Variants in KLC1 observed in about 807,000 individuals in gnomAD.
KLC1 encodes the protein kinesin 2 60/70kDa.
In KLC1, 30 loss-of-function variants were observed where a neutral mutation model predicts 84.2. The ratio of observed to expected loss-of-function variants is 0.36; its 90% CI spans 0.27 to 0.48. The LOEUF is 0.48. KLC1 is among the 20% of genes least tolerant of loss of function. The pLI, the probability that KLC1 is intolerant of heterozygous loss-of-function variation, is 0.99. For synonymous variants in KLC1, 289 were observed against 293.3 expected (o/e 0.99, Z 0.15); for missense variants, 499 against 805.4 (o/e 0.62, Z 4.60).
chr14:103,681,408 T>C (rs2081330198), intron 13 of KLC1, among the ~76,000 whole-genome samples: 1 of 152,140 alleles, frequency 6.6e-6, no homozygotes, highest in African/African-American at 2.4e-5. Flanking sequence ...ACTCTAAGGT[T>C]CTGAGAAGGC....
rs553348425 is a variant in KLC1 at position 103,667,989 on chromosome 14, A to G, written c.798-1522A>G. 8.5e-5 allele frequency among the ~76,000 whole-genome samples: 13 copies of G among 152,340 alleles called. No homozygotes were observed. The South Asian group carries it at 2.3e-3, about 27-fold the overall frequency. ...AAAGATTCTTCGTTCCTCCATACTC[A>G]ACAAAATGGAGGGAGACTGGGTACC... is the stretch of plus-strand genomic sequence containing the variant. On this transcript the variant is annotated intron_variant, in intron 5 of 16. Transcript: ENST00000334553.
At chr14:103,678,187 CAGG>C (rs1053987016) in intron 12 of KLC1, among the ~76,000 whole-genome samples, 72 of 152,274 alleles carry the variant, frequency 4.7e-4, no homozygotes, top group Admixed American at 7.9e-4. Context: ...CGCTTGAACT[CAGG>C]AGGCAGAGGT....
In KLC1 at chr14:103,685,181, G is replaced by A. The variant is rs537140302; in HGVS notation, c.1651-1900G>A. On this transcript the variant is annotated intron_variant, in intron 13 of 16. Coordinates refer to ENST00000334553, the MANE Select transcript of KLC1 (RefSeq NM_001394837.1). ...ATTATCAACTGCATGTTTAAAATGG[G>A]CTGTAGACTTTTAAAGTCCGTGGTT... is the stretch of plus-strand genomic sequence containing the variant. 2,129 of 1,443,692 alleles carry A rather than the reference G, an allele frequency of 1.5e-3. 7 individuals are homozygous for A. The highest frequency in any genetic ancestry group is 1.7e-3 in the Non-Finnish European group (1,873 of 1,096,898). The allele number at this position is 1,443,692 out of a possible 1,614,324, so 89.4% of individuals were successfully genotyped here. A position where few individuals can be genotyped will look rare whatever the true frequency, so the allele number is the denominator to read the frequency against.
chr14:103,695,888 G>A (rs561535469), intron 15 of KLC1: 28 of 985,408 alleles, frequency 2.8e-5, no homozygotes, highest in Middle Eastern at 5.2e-4. Context: ...GAGTACCTGA[G>A]TCCCCGATGT....
intron 14 of KLC1, 133 bp from the exon 15 acceptor site, chr14:103,692,226 A>G (rs2082163684): frequency 1.4e-6 from 1 of 722,460 alleles, no homozygotes; most frequent in Admixed American, 2.4e-5. Context: ...CGGTTACCCA[A>G]GCAAGATGAA....
intron 1 of KLC1, among the ~76,000 whole-genome samples, chr14:103,639,004 A>G (rs1338540098): frequency 6.6e-6 from 1 of 152,150 alleles, no homozygotes. Flanking sequence ...TTGGTAGAAT[A>G]AGCTTAAATC....
chr14:103,699,520 C>T, intron 15 of KLC1: 1 of 1,613,506 alleles, frequency 6.2e-7, no homozygotes, highest in Non-Finnish European at 8.5e-7. Flanking sequence ...CCAGGCGAGC[C>T]ATGCCCCGAG....
chr14:103,685,812 G>T, intron 13 of KLC1: 3 of 1,204,412 alleles, frequency 2.5e-6, no homozygotes, highest in Non-Finnish European at 3.2e-6. Flanking sequence ...TTTTGGGGGG[G>T]TTCCTGATTT....
intron 13 of KLC1, 138 bp downstream of exon 13, chr14:103,679,683 A>C: frequency 1.6e-6 from 1 of 623,140 alleles, no homozygotes. Flanking sequence ...TAAGTTCTTC[A>C]CTTCTGCTAA....
chr14:103,637,061 A>G (rs1268766633), intron 1 of KLC1, among the ~76,000 whole-genome samples: 4 of 149,042 alleles, frequency 2.7e-5, no homozygotes, highest in Admixed American at 2.7e-4. Flanking sequence ...TTTCAGATGG[A>G]GTCTTGCTCT....
chr14:103,672,733 C>T (rs1478726337), intron 7 of KLC1, among the ~76,000 whole-genome samples: 1 of 152,172 alleles, frequency 6.6e-6, no homozygotes, highest in Non-Finnish European at 1.5e-5. Context: ...GTACATAGTA[C>T]AACCAATGTA....
intron 11 of KLC1, 125 bp from the exon 12 acceptor site, chr14:103,677,290 A>C: frequency 2.9e-6 from 2 of 680,562 alleles, no homozygotes; most frequent in South Asian, 1.7e-5. Context: ...AGAAAAGTAC[A>C]AGAGAAAGTT....
intron 1 of KLC1, among the ~76,000 whole-genome samples, chr14:103,643,416 G>A (rs1306292144): frequency 1.3e-5 from 2 of 152,196 alleles, no homozygotes; most frequent in Admixed American, 6.6e-5. Context: ...TGTATTAGGT[G>A]TAAATCATGT....
chr14:103,692,591 C>A (rs1429488355), intron 15 of KLC1, among the ~76,000 whole-genome samples, 166 bp downstream of exon 15: 1 of 152,184 alleles, frequency 6.6e-6, no homozygotes, highest in Non-Finnish European at 1.5e-5. Context: ...TTTTTATATT[C>A]TGCTTAACCA....
chr14:103,629,781 G>T (rs930880830), intron 1 of KLC1, among the ~76,000 whole-genome samples: 4 of 152,144 alleles, frequency 2.6e-5, no homozygotes, highest in Non-Finnish European at 5.9e-5. Flanking sequence ...TCCCACTGCA[G>T]GTTCCGGTCC....
At position 103,629,404 on chromosome 14, in the gene KLC1, G is replaced by T. The variant is rs1335224338; in HGVS notation, c.-92G>T. The T allele has an allele frequency of 5.9e-5, 9 of 152,138 alleles. No homozygotes were observed. The highest frequency in any genetic ancestry group is 4.6e-4 in the Admixed American group (7 of 15,272). 9.4% of individuals were successfully genotyped at this position (152,138 alleles called of 1,614,324 possible). A position where few individuals can be genotyped will look rare whatever the true frequency, so the allele number is the denominator to read the frequency against. On this transcript the variant is annotated 5_prime_UTR_variant, in exon 1 of 17. Coordinates refer to ENST00000334553, the MANE Select transcript of KLC1 (RefSeq NM_001394837.1). ...CGCCGTGCCTCACACAGCCGAGGCGGGCTCGGCGCACAGTCGCTGCTCCGC... is the reference window on the plus strand; with the variant it reads ...CGCCGTGCCTCACACAGCCGAGGCGTGCTCGGCGCACAGTCGCTGCTCCGC...
chr14:103,700,819 C>A, intron 16 of KLC1, 92 bp downstream of exon 16: 1 of 1,040,964 alleles, frequency 9.6e-7, no homozygotes, highest in Non-Finnish European at 1.4e-6. Context: ...TGGGGATGGG[C>A]AAGTGGTGAC....
intron 12 of KLC1, among the ~76,000 whole-genome samples, chr14:103,678,464 C>T (rs948309810): frequency 2.0e-5 from 3 of 151,378 alleles, no homozygotes; most frequent in African/African-American, 7.3e-5. Context: ...GTGGGAGGAT[C>T]CCTTGAGCTC....
At chr14:103,670,304 C>T (rs1371644230) in intron 7 of KLC1, 21 bp downstream of exon 7, 7 of 1,519,402 alleles carry the variant, frequency 4.6e-6, no homozygotes, top group East Asian at 2.3e-5. Context: ...AGGGGGCAGT[C>T]GTTTTCTTTG....
Sources: allele counts gnomAD v4.1 joint callset (sites outside exome capture counted in the v4.1 genomes callset), GRCh38; gene constraint gnomAD v4.1.1; transcripts MANE v1.5; gene names NCBI Gene and HGNC (gene_info 2026-07-23, HGNC 2026-07-21).